The following BICRA variants were observed in gnomAD, a reference collection of about 807,000 sequenced individuals.
The protein encoded by BICRA is BRD4 interacting chromatin remodeling complex associated protein, also known as BRD4-interacting chromatin-remodeling complex-associated protein.
A neutral mutation model predicts 96.9 loss-of-function variants in BICRA; 31 were observed. The observed-to-expected ratio is 0.32, with a 90% confidence interval of 0.24 to 0.43. The LOEUF (loss-of-function observed/expected upper bound fraction) is 0.43, where lower values mean the gene tolerates loss of function less well. Among genes scored for constraint, BICRA ranks in the 20% least tolerant of loss-of-function variants. The pLI, the probability that BICRA is intolerant of heterozygous loss-of-function variation, is 1.00. For synonymous variants in BICRA, 1,350 were observed against 1,071.8 expected (o/e 1.26, Z -5.07); for missense variants, 2,283 against 2,190.3 (o/e 1.04, Z -0.84).
At chr19:47,641,789 T>C (rs546231947) in intron 1 of BICRA, among the ~76,000 whole-genome samples, 27 of 152,272 alleles carry the variant, frequency 1.8e-4, no homozygotes, top group African/African-American at 6.3e-4. Context: ...ATTTGAGTAA[T>C]ATATATATAT....
Position 47,682,045 on chromosome 19 carries a change from G to C in BICRA, c.2176G>C (p.Ala726Pro). 6.4e-7 allele frequency: 1 copy of C among 1,555,538 alleles called. No individual in the cohort carries two copies. The highest frequency in any genetic ancestry group is 1.4e-5 in the African/African-American group (1 of 73,536). ...LSVPASVIVSAPPPAQDPAPA... is the reference protein window; with the variant it reads ...LSVPASVIVSPPPPAQDPAPA... ...CGTGCCTGCCTCGGTCATAGTCAGC[G>C]CCCCGCCTCCCGCCCAAGACCCAGC... The change falls in exon 7 of 15, where the codon GCC becomes CCC. Residue 726 changes from alanine (A) to proline (P), a missense_variant. Physicochemically the swap from Ala to Pro is conservative, Grantham distance 27. Coordinates refer to ENST00000594866, the MANE Select transcript of BICRA (RefSeq NM_001394372.1).
intron 1 of BICRA, among the ~76,000 whole-genome samples, chr19:47,648,317 G>A (rs562393695): frequency 3.9e-5 from 6 of 151,988 alleles, no homozygotes; most frequent in South Asian, 4.2e-4. Flanking sequence ...GATGTGTCCC[G>A]GTCAGGCCTA....
intron 5 of BICRA, 46 bp from the exon 6 acceptor site, chr19:47,679,275 C>G: frequency 7.2e-7 from 1 of 1,384,340 alleles, no homozygotes; most frequent in Non-Finnish European, 9.4e-7. Context: ...AAGCGTAGCC[C>G]CTTGCTAACC....
chr19:47,643,054 C>G (rs1972406699), intron 1 of BICRA, among the ~76,000 whole-genome samples: 1 of 152,246 alleles, frequency 6.6e-6, no homozygotes, highest in Non-Finnish European at 1.5e-5. Context: ...ACTGCAACCT[C>G]TGCCTCCTGG....
At position 47,675,928 on chromosome 19, in the gene BICRA, G is replaced by T; in HGVS notation, c.150+12G>T. On this transcript the variant is annotated intron_variant, in intron 5 of 14. Transcript: ENST00000594866. This position sits in a 1 kb window ranked among gnomAD's most constrained non-coding sequence, Gnocchi z 4.7. ...ATGAAGGTCCTGGGGTAAGTGCCGTGGCTCCCGATCATTGCCTGAGCTGTT... is the reference window on the plus strand; with the variant it reads ...ATGAAGGTCCTGGGGTAAGTGCCGTTGCTCCCGATCATTGCCTGAGCTGTT... 1 of 1,590,906 alleles carries T rather than the reference G, an allele frequency of 6.3e-7. No individual in the cohort carries two copies. The highest frequency in any genetic ancestry group is 1.1e-5 in the South Asian group (1 of 88,646).
intron 1 of BICRA, among the ~76,000 whole-genome samples, chr19:47,629,065 A>C (rs1972181301): frequency 6.6e-6 from 1 of 151,950 alleles, no homozygotes; most frequent in South Asian, 2.1e-4. Flanking sequence ...GCAGTGGCAC[A>C]ATCTCGGCTC....
chr19:47,701,026 C>T lies in BICRA; in HGVS notation c.3596-302C>T. 1 of 435,996 alleles carries T rather than the reference C, an allele frequency of 2.3e-6. No individual in the cohort carries two copies. Among genetic ancestry groups the T allele is most frequent in the South Asian group, 2.9e-5 (1 of 34,992 alleles). 27.0% of individuals were successfully genotyped at this position (435,996 alleles called of 1,614,324 possible). On this transcript the variant is annotated intron_variant, in intron 14 of 14. Transcript: ENST00000594866. This position sits in a 1 kb window ranked among gnomAD's most constrained non-coding sequence, Gnocchi z 5.4. ...CTCCTGGGCTCAAGCGATCCCCCTC[C>T]CTTGGCCTCCCAAAGTGCTGGGATT... is the stretch of plus-strand genomic sequence containing the variant.
At chr19:47,681,645 G>A (rs1321296731) in intron 6 of BICRA, among the ~76,000 whole-genome samples, 2 of 152,098 alleles carry the variant, frequency 1.3e-5, no homozygotes, top group African/African-American at 4.8e-5. Flanking sequence ...GGGACTACCC[G>A]ACGGACAGAG....
intron 7 of BICRA, among the ~76,000 whole-genome samples, chr19:47,683,826 C>T (rs1973103995): frequency 6.6e-6 from 1 of 152,174 alleles, no homozygotes; most frequent in African/African-American, 2.4e-5. Flanking sequence ...CCTCGTTATC[C>T]ACCCGCCTCA....
At chr19:47,644,413 T>G (rs1972427777) in intron 1 of BICRA, among the ~76,000 whole-genome samples, 1 of 150,958 alleles carries the variant, frequency 6.6e-6, no homozygotes. Context: ...CTCTCTCTCC[T>G]TCCTTGCTTC....
At chr19:47,629,565 C>A (rs1469593313) in intron 1 of BICRA, among the ~76,000 whole-genome samples, 1 of 152,196 alleles carries the variant, frequency 6.6e-6, no homozygotes, top group South Asian at 2.1e-4. Context: ...TTTTGCCTAT[C>A]CATTTATCTG....
In BICRA at chr19:47,656,500, G is replaced by T. The variant is rs541311819; in HGVS notation, c.-107-13943G>T. Among the ~76,000 whole-genome samples, 14 of 152,238 alleles carry T rather than the reference G, an allele frequency of 9.2e-5. No individual in the cohort carries two copies. The South Asian group carries it at 2.9e-3, about 32-fold the overall frequency. Reference sequence around the variant, plus strand: ...ACTTTGTATTTCCCCCAGGAGACATGGTTAATGTCTAAGTATTTGCTAATC... The same window carrying T: ...ACTTTGTATTTCCCCCAGGAGACATTGTTAATGTCTAAGTATTTGCTAATC... On this transcript the variant is annotated intron_variant, in intron 1 of 14. Coordinates refer to ENST00000594866, the MANE Select transcript of BICRA (RefSeq NM_001394372.1).
chr19:47,660,938 G>A (rs146592939), intron 1 of BICRA, among the ~76,000 whole-genome samples: 1 of 152,270 alleles, frequency 6.6e-6, no homozygotes, highest in East Asian at 1.9e-4. Flanking sequence ...TGCCGGGCGT[G>A]GTGGCTCACG....
chr19:47,633,490 A>G (rs1464058596), intron 1 of BICRA, among the ~76,000 whole-genome samples: 1 of 152,030 alleles, frequency 6.6e-6, no homozygotes, highest in Non-Finnish European at 1.5e-5. Flanking sequence ...GACGTGAGCC[A>G]CCTTTCCTGG....
At chr19:47,622,282 T>C (rs1972075876) in intron 1 of BICRA, among the ~76,000 whole-genome samples, 1 of 151,028 alleles carries the variant, frequency 6.6e-6, no homozygotes, top group African/African-American at 2.4e-5. Flanking sequence ...TTAGTAGAGA[T>C]GGGGTTTCGC....
intron 1 of BICRA, among the ~76,000 whole-genome samples, chr19:47,610,999 C>T (rs1971898297): frequency 6.6e-6 from 1 of 152,178 alleles, no homozygotes; most frequent in South Asian, 2.1e-4. Context: ...AAGTACATTA[C>T]ACGCTGGCCA....
At chr19:47,624,954 A>G (rs924392414) in intron 1 of BICRA, among the ~76,000 whole-genome samples, 1 of 140,798 alleles carries the variant, frequency 7.1e-6, no homozygotes, top group Admixed American at 7.2e-5. Context: ...TCAGTCTCCC[A>G]CAGTGCTGGG....
chr19:47,639,610 G>A (rs1489707870), intron 1 of BICRA, among the ~76,000 whole-genome samples: 1 of 149,790 alleles, frequency 6.7e-6, no homozygotes, highest in African/African-American at 2.5e-5. Flanking sequence ...TTACAGGCGT[G>A]AGCCACCGCG....
At position 47,698,703 on chromosome 19, in the gene BICRA, C is replaced by A; in HGVS notation, c.3318C>A (p.Ser1106=). ...LHPDYKTAFP[S]FEDALHRLLP... is the part of the protein sequence containing the mutation. ...CCGACTACAAGACGGCCTTCCCCTC[C>A]TTTGAGGACGCCCTGCATCGCCTCC... The change falls in exon 12 of 15, where the codon TCC becomes TCA. Residue 1106 remains serine (S), a synonymous_variant. Coordinates refer to ENST00000594866, the MANE Select transcript of BICRA (RefSeq NM_001394372.1). This position sits in a 1 kb window ranked among gnomAD's most constrained non-coding sequence, Gnocchi z 4.8. 5 of 1,602,648 alleles carry A rather than the reference C, an allele frequency of 3.1e-6. No individual in the cohort carries two copies. Among genetic ancestry groups the A allele is most frequent in the Non-Finnish European group, 4.3e-6 (5 of 1,169,658 alleles).
Sources: gnomAD v4.1 joint callset for allele counts (sites outside exome capture counted in the v4.1 genomes callset) on GRCh38, gnomAD v4.1.1 for gene constraint, Gnocchi (gnomAD v3.1) non-coding constraint, MANE v1.5 for transcripts, NCBI Gene and HGNC (gene_info 2026-07-23, HGNC 2026-07-21) for gene names.